The following ATP11B variants were observed in gnomAD, a reference collection of about 807,000 sequenced individuals.
ATP11B encodes ATPase phospholipid transporting 11B (putative), also known as phospholipid-transporting ATPase IF.
In ATP11B, 81 loss-of-function variants were observed where a neutral mutation model predicts 157.8. The observed-to-expected ratio is 0.51, with a 90% CI of 0.43 to 0.62. The LOEUF is 0.62. Among genes scored for constraint, ATP11B ranks in the 20% least tolerant of loss-of-function variants. The probability of loss-of-function intolerance (pLI) is 0.00; values close to 1 mark genes in which losing one functional copy is unlikely to be tolerated. For missense variants in ATP11B, 1,165 were observed against 1,402.2 expected, an observed-to-expected ratio of 0.83 and a Z score of 2.70; for synonymous variants, 451 against 469.4, an observed-to-expected ratio of 0.96 and a Z score of 0.51.
intron 25 of ATP11B, among the ~76,000 whole-genome samples, chr3:182,890,914 C>A (rs896152692): frequency 2.6e-5 from 4 of 152,134 alleles, no homozygotes; most frequent in African/African-American, 9.7e-5. Flanking sequence ...AACCTACATG[C>A]CTTTAGGAGA....
Position 182,911,515 on chromosome 3 carries a change from G to A in ATP11B, c.3319-2346G>A, listed in dbSNP as rs541543839. Among the ~76,000 whole-genome samples the A allele has an allele frequency of 2.6e-5, 4 of 152,102 alleles. No individual in the cohort carries two copies. The East Asian group carries it at 7.8e-4, about 29-fold the overall frequency. ...GGGTGACCTTGAACAAATTCTTAACGGTTTCCTCATCTGTAAACTGGGGAT... is the reference window on the plus strand; with the variant it reads ...GGGTGACCTTGAACAAATTCTTAACAGTTTCCTCATCTGTAAACTGGGGAT... On this transcript the variant is annotated intron_variant, in intron 28 of 29. Coordinates refer to ENST00000323116, the MANE Select transcript of ATP11B (RefSeq NM_014616.3).
chr3:182,802,430 C>T (rs1272234921), intron 1 of ATP11B, among the ~76,000 whole-genome samples: 1 of 152,034 alleles, frequency 6.6e-6, no homozygotes, highest in Non-Finnish European at 1.5e-5. Flanking sequence ...GTATGCCAAC[C>T]CCTACACTTC....
Position 182,880,773 on chromosome 3 carries a change from AT to A in ATP11B, c.2407-103del, listed in dbSNP as rs956759004. ...ATTATTGTCTAATAAAAAATTAAAT[AT>A]TTCTTTCATTAGTGTTCTTACTATA... On this transcript the variant is annotated intron_variant, in intron 20 of 29. Coordinates refer to ENST00000323116, the MANE Select transcript of ATP11B (RefSeq NM_014616.3). 67 of 537,872 alleles carry A rather than the reference AT, an allele frequency of 1.2e-4. 1 individual carries two copies. Among genetic ancestry groups the A allele is most frequent in the Middle Eastern group, 5.3e-4 (1 of 1,870 alleles). 33.3% of individuals were successfully genotyped at this position (537,872 alleles called of 1,614,324 possible).
intron 1 of ATP11B, among the ~76,000 whole-genome samples, chr3:182,813,197 C>T (rs1018707135): frequency 2.0e-5 from 3 of 152,108 alleles, no homozygotes; most frequent in African/African-American, 4.8e-5. Context: ...AAATATTCTT[C>T]GAGCTCCTTC....
intron 10 of ATP11B, among the ~76,000 whole-genome samples, chr3:182,849,648 C>T (rs942233299): frequency 6.6e-6 from 1 of 152,082 alleles, no homozygotes; most frequent in Non-Finnish European, 1.5e-5. Context: ...GTCTCAACAC[C>T]AGACTGAATA....
At chr3:182,813,040 C>T (rs1431324163) in intron 1 of ATP11B, among the ~76,000 whole-genome samples, 1 of 152,112 alleles carries the variant, frequency 6.6e-6, no homozygotes, top group East Asian at 1.9e-4. Flanking sequence ...CAGCATGTGC[C>T]AACATTTTCT....
In ATP11B at chr3:182,850,219, T is replaced by A. The variant is rs540463600; in HGVS notation, c.851+1662T>A. ...TGAGCACGGTGGCTCATGCCTGTAA[T>A]CCTAGCACTTTGGGAGACCAAGGCA... On this transcript the variant is annotated intron_variant, in intron 10 of 29. Coordinates refer to ENST00000323116, the MANE Select transcript of ATP11B (RefSeq NM_014616.3). 1.1e-4 allele frequency among the ~76,000 whole-genome samples: 17 copies of A among 152,322 alleles called. No homozygotes were observed. The South Asian group carries it at 2.9e-3, about 26-fold the overall frequency.
chr3:182,864,728 G>A (rs1294283925), intron 12 of ATP11B, among the ~76,000 whole-genome samples: 1 of 151,754 alleles, frequency 6.6e-6, no homozygotes, highest in African/African-American at 2.4e-5. Context: ...CTTTTTAAAG[G>A]ACTTCTTTCT....
At chr3:182,886,273 T>C (rs186261896) in intron 23 of ATP11B, among the ~76,000 whole-genome samples, 1 of 152,254 alleles carries the variant, frequency 6.6e-6, no homozygotes, top group East Asian at 1.9e-4. Flanking sequence ...TAACAGCTTA[T>C]GAGAGAATTT....
chr3:182,916,678 A>G, intron 29 of ATP11B: 1 of 983,918 alleles, frequency 1.0e-6, no homozygotes, highest in Non-Finnish European at 1.2e-6. Context: ...TGTTCTGTCA[A>G]AAATTATATT....
At chr3:182,880,468 A>AT (rs1233790203) in intron 20 of ATP11B, among the ~76,000 whole-genome samples, 1 of 152,124 alleles carries the variant, frequency 6.6e-6, no homozygotes, top group African/African-American at 2.4e-5. Flanking sequence ...ATCTTGATTG[A>AT]TTTTTTTAAA....
intron 9 of ATP11B, among the ~76,000 whole-genome samples, chr3:182,845,955 C>T (rs1475945448): frequency 6.6e-6 from 1 of 152,146 alleles, no homozygotes; most frequent in Non-Finnish European, 1.5e-5. Context: ...ATACTAGGTA[C>T]TATTGGAACA....
At chr3:182,857,583 A>G (rs759797584) in intron 10 of ATP11B, among the ~76,000 whole-genome samples, 1 of 151,820 alleles carries the variant, frequency 6.6e-6, no homozygotes, top group Non-Finnish European at 1.5e-5. Flanking sequence ...AAAACTTAGA[A>G]TAATTACTTA....
intron 4 of ATP11B, among the ~76,000 whole-genome samples, chr3:182,834,595 A>T (rs1718397783): frequency 6.6e-6 from 1 of 152,206 alleles, no homozygotes; most frequent in Non-Finnish European, 1.5e-5. Flanking sequence ...TGATTCCATT[A>T]TCTATACTTG....
intron 28 of ATP11B, among the ~76,000 whole-genome samples, chr3:182,913,431 T>A (rs953211740): frequency 6.6e-6 from 1 of 152,202 alleles, no homozygotes; most frequent in African/African-American, 2.4e-5. Flanking sequence ...TCCACTTATC[T>A]CAATTGTTGG....
chr3:182,848,813 A>G (rs952345173), intron 10 of ATP11B, among the ~76,000 whole-genome samples: 2 of 152,198 alleles, frequency 1.3e-5, no homozygotes, highest in Non-Finnish European at 2.9e-5. Context: ...ACTAACGCAG[A>G]TAACAGTTCT....
intron 17 of ATP11B, among the ~76,000 whole-genome samples, chr3:182,870,468 C>G (rs955187125): frequency 6.6e-6 from 1 of 152,150 alleles, no homozygotes; most frequent in Admixed American, 6.5e-5. Flanking sequence ...CCCACCACAT[C>G]GTAACATCTG....
chr3:182,860,961 A>G (rs536948681), intron 12 of ATP11B, among the ~76,000 whole-genome samples: 1 of 152,118 alleles, frequency 6.6e-6, no homozygotes. Flanking sequence ...CTATAATGTG[A>G]TATATGCGTT....
At chr3:182,890,079 T>G (rs1022362463) in intron 25 of ATP11B, among the ~76,000 whole-genome samples, 3 of 152,254 alleles carry the variant, frequency 2.0e-5, no homozygotes, top group African/African-American at 7.2e-5. Context: ...CATAACTTAC[T>G]GTTTAATTTG....
Sources: allele counts gnomAD v4.1 joint callset (sites outside exome capture counted in the v4.1 genomes callset), GRCh38; gene constraint gnomAD v4.1.1; transcripts MANE v1.5; gene names NCBI Gene and HGNC (gene_info 2026-07-23, HGNC 2026-07-21).